TPGS2: variants seen among roughly 807,000 people sequenced by gnomAD.
TPGS2 encodes polyglutamylase subunit 2.
TPGS2 carries 26 observed loss-of-function variants against 31.1 expected under a neutral mutation model. The observed-to-expected ratio is 0.84, with a 90% confidence interval of 0.61 to 1.16. The LOEUF (loss-of-function observed/expected upper bound fraction) is 1.16. TPGS2 is among the 50% of genes most tolerant of loss of function. TPGS2 has a pLI of 0.00. For missense variants in TPGS2, 351 were observed against 363.8 expected, an observed-to-expected ratio of 0.96 and a Z score of 0.29; for synonymous variants, 130 against 136.6, an observed-to-expected ratio of 0.95 and a Z score of 0.34.
At chr18:36,798,299 A>C in intron 6 of TPGS2, 150 bp downstream of exon 6, 1 of 1,475,980 alleles carries the variant, frequency 6.8e-7, no homozygotes, top group Non-Finnish European at 9.0e-7. Context: ...CATTGGAATC[A>C]TCTGTCTTGC....
At chr18:36,780,813 T>C (rs575008532), downstream of TPGS2, among the ~76,000 whole-genome samples, 1 of 152,346 alleles carries the variant, frequency 6.6e-6, no homozygotes, top group South Asian at 2.1e-4. Flanking sequence ...AGGGCACTTA[T>C]TATGAATGGA....
chr18:36,792,182 T>C (rs748889009), downstream of TPGS2, among the ~76,000 whole-genome samples: 2 of 152,210 alleles, frequency 1.3e-5, no homozygotes, highest in Non-Finnish European at 2.9e-5. Flanking sequence ...ACTCTCTGAA[T>C]GGCTATTGGA....
chr18:36,795,226 A>T lies in TPGS2; in HGVS notation c.*1579T>A. On this transcript the variant is annotated 3_prime_UTR_variant, in exon 7 of 7. Coordinates refer to ENST00000334295, the MANE Select transcript of TPGS2 (RefSeq NM_015476.4). The stretch of plus-strand genomic sequence containing the variant: ...TGTTTCAGAGCAAAAGTGCATGTGG[A>T]GAATCCTGTGGACTGCTCTTAGTTC... The T allele has an allele frequency of 1.0e-6, 1 of 985,474 alleles. No homozygotes were observed. Among genetic ancestry groups the T allele is most frequent in the South Asian group, 4.7e-5 (1 of 21,284 alleles). The allele number at this position is 985,474 out of a possible 1,614,324, so 61.0% of individuals were successfully genotyped here.
chr18:36,802,869 G>GC (rs1263283077), intron 4 of TPGS2, among the ~76,000 whole-genome samples: 2 of 151,938 alleles, frequency 1.3e-5, no homozygotes, highest in African/African-American at 2.4e-5. Flanking sequence ...CTCATGATTC[G>GC]CCCCCCTCGG....
intron 1 of TPGS2, among the ~76,000 whole-genome samples, chr18:36,825,735 T>C (rs2046107863): frequency 6.6e-6 from 1 of 152,228 alleles, no homozygotes. Context: ...ACTTTTTTCC[T>C]GTTTTGGAAA....
rs117586096 is a variant in TPGS2, at chr18:36,805,562, C to T, written c.254-60G>A. ...GTAACAGCCTAGTTACAATGGTTATCATGAGATTCTGCTTGAATAACCTAA... is the reference window on the plus strand; with the variant it reads ...GTAACAGCCTAGTTACAATGGTTATTATGAGATTCTGCTTGAATAACCTAA... On this transcript the variant is annotated intron_variant, in intron 3 of 6. Coordinates refer to ENST00000334295, the MANE Select transcript of TPGS2 (RefSeq NM_015476.4). 1.2e-3 allele frequency: 1,963 copies of T among 1,603,846 alleles called. 18 individuals are homozygous for T. In the East Asian group the frequency reaches 0.027, roughly 22 times the overall value.
chr18:36,814,469 A>G (rs1470158793), intron 2 of TPGS2, among the ~76,000 whole-genome samples: 1 of 152,258 alleles, frequency 6.6e-6, no homozygotes, highest in African/African-American at 2.4e-5. Flanking sequence ...ATGATCATTT[A>G]GGTTTCGGTT....
At chr18:36,784,782 A>G (rs950805030) in intron 6 of TPGS2, among the ~76,000 whole-genome samples, 2 of 152,202 alleles carry the variant, frequency 1.3e-5, no homozygotes, top group African/African-American at 4.8e-5. Context: ...ATAAGACGTG[A>G]TATATACTGG....
intron 3 of TPGS2, among the ~76,000 whole-genome samples, chr18:36,807,207 G>C (rs2045195275): frequency 6.6e-6 from 1 of 152,174 alleles, no homozygotes; most frequent in Non-Finnish European, 1.5e-5. Flanking sequence ...ATGTTTTCAA[G>C]AGTCTTCACC....
intron 2 of TPGS2, among the ~76,000 whole-genome samples, chr18:36,813,820 G>T (rs557596354): frequency 3.3e-5 from 5 of 152,228 alleles, no homozygotes; most frequent in Non-Finnish European, 7.3e-5. Flanking sequence ...GAAGTGAAGT[G>T]CTAGAGAGAA....
At chr18:36,786,309 C>T (rs536047437) in intron 6 of TPGS2, among the ~76,000 whole-genome samples, 1 of 152,310 alleles carries the variant, frequency 6.6e-6, no homozygotes, top group Admixed American at 6.5e-5. Flanking sequence ...TAACCTCTGC[C>T]TCCCAGGTTC....
Position 36,796,526 on chromosome 18 carries a change from G to A in TPGS2, c.*279C>T. 1 of 1,241,396 alleles carries A rather than the reference G, an allele frequency of 8.1e-7. No homozygotes were observed. The highest frequency in any genetic ancestry group is 1.0e-6 in the Non-Finnish European group (1 of 993,516). The allele number at this position is 1,241,396 out of a possible 1,614,324, so 76.9% of individuals were successfully genotyped here. A position where few individuals can be genotyped will look rare whatever the true frequency, so the allele number is the denominator to read the frequency against. On this transcript the variant is annotated 3_prime_UTR_variant, in exon 7 of 7. Coordinates refer to ENST00000334295, the MANE Select transcript of TPGS2 (RefSeq NM_015476.4). ...ATCAATCAGTGCTAAGGGATTGAGG[G>A]TTGAGTGTTGAAGAAGAGGAAAGCA...
chr18:36,797,295 C>T (rs1319190891), intron 6 of TPGS2, among the ~76,000 whole-genome samples: 8 of 152,062 alleles, frequency 5.3e-5, no homozygotes, highest in African/African-American at 1.9e-4. Flanking sequence ...AGTATGAAAA[C>T]TAAGAATCTG....
chr18:36,807,206 A>G (rs934658117), intron 3 of TPGS2, among the ~76,000 whole-genome samples: 20 of 152,176 alleles, frequency 1.3e-4, no homozygotes, highest in Admixed American at 1.2e-3. Flanking sequence ...AATGTTTTCA[A>G]GAGTCTTCAC....
At chr18:36,798,631 G>A (rs769040425) in intron 5 of TPGS2, 22 bp from the exon 6 acceptor site, 1 of 1,607,492 alleles carries the variant, frequency 6.2e-7, no homozygotes, top group East Asian at 2.2e-5. Flanking sequence ...GACAAAGGAA[G>A]TAAAAGATAA....
At chr18:36,799,527 C>T (rs1177839833) in intron 5 of TPGS2, among the ~76,000 whole-genome samples, 2 of 152,208 alleles carry the variant, frequency 1.3e-5, no homozygotes, top group African/African-American at 4.8e-5. Flanking sequence ...CCAAATCCTC[C>T]TCCCCACCCG....
chr18:36,810,114 C>T (rs1050994899), intron 2 of TPGS2, among the ~76,000 whole-genome samples: 6 of 152,158 alleles, frequency 3.9e-5, no homozygotes, highest in African/African-American at 9.7e-5. Context: ...CTAATTTAAA[C>T]GACTAGCGGC....
At chr18:36,814,003 T>C (rs2045546677) in intron 2 of TPGS2, among the ~76,000 whole-genome samples, 1 of 152,196 alleles carries the variant, frequency 6.6e-6, no homozygotes, top group Non-Finnish European at 1.5e-5. Flanking sequence ...GAACCCACTC[T>C]GTAGACTGTA....
intron 2 of TPGS2, among the ~76,000 whole-genome samples, chr18:36,813,018 TAC>T (rs1277308215): frequency 6.6e-6 from 1 of 152,224 alleles, no homozygotes; most frequent in East Asian, 1.9e-4. Flanking sequence ...ACAAAATAAT[TAC>T]AGAGATAACG....
Sources: gnomAD v4.1 joint callset for allele counts (sites outside exome capture counted in the v4.1 genomes callset) on GRCh38, gnomAD v4.1.1 for gene constraint, MANE v1.5 for transcripts, NCBI Gene and HGNC (gene_info 2026-07-23, HGNC 2026-07-21) for gene names.